Variants in OR51I2 observed in about 807,000 individuals in gnomAD.
The protein encoded by OR51I2 is olfactory receptor 51I2.
OR51I2 carries 6 observed loss-of-function variants against 9.3 expected under a neutral mutation model. The ratio of observed to expected loss-of-function variants is 0.64; its 90% CI spans 0.35 to 1.27. OR51I2 has a LOEUF of 1.27. Ranked by LOEUF, OR51I2 falls within the 50% of genes most tolerant of loss-of-function variation. The pLI is 0.03. For synonymous variants in OR51I2, 179 were observed against 143.1 expected, an observed-to-expected ratio of 1.25 and a Z score of -1.79; for missense variants, 489 against 396.4, an observed-to-expected ratio of 1.23 and a Z score of -1.98.
At position 5,455,568 on chromosome 11, in the gene OR51I2, A is replaced by AGAGAGAGAGAGAAAGAGAAAGATAGAG. The variant is rs531763892; in HGVS notation, c.*1151_*1152insGAAAGAGAAAGATAGAGGAGAGAGAGA. On this transcript the variant is annotated 3_prime_UTR_variant, in exon 2 of 2. Coordinates refer to ENST00000641930, the MANE Select transcript of OR51I2 (RefSeq NM_001004754.3). Reference sequence around the variant, plus strand: ...GATTGGGGGAGAAAGAAGGGGGGAGAGAGAGAGAGAAAGAGAAAGAGAGAA... The same window carrying AGAGAGAGAGAGAAAGAGAAAGATAGAG: ...GATTGGGGGAGAAAGAAGGGGGGAGAGAGAGAGAGAGAAAGAGAAAGATAGAGGAGAGAGAGAAAGAGAAAGAGAGAA... The AGAGAGAGAGAGAAAGAGAAAGATAGAG allele has an allele frequency of 7.4e-6, 1 of 135,318 alleles. No homozygotes were observed. Among genetic ancestry groups the AGAGAGAGAGAGAAAGAGAAAGATAGAG allele is most frequent in the East Asian group, 2.1e-4 (1 of 4,740 alleles). The allele number at this position is 135,318 out of a possible 1,614,324, so 8.4% of individuals were successfully genotyped here.
At chr11:5,451,743 C>A (rs1401711890) in intron 1 of OR51I2, among the ~76,000 whole-genome samples, 1 of 152,060 alleles carries the variant, frequency 6.6e-6, no homozygotes, top group Non-Finnish European at 1.5e-5. Flanking sequence ...GAGCATGGTC[C>A]GGTCTTGCTT....
rs1440920892 is a variant in OR51I2 at position 5,455,579 on chromosome 11, A to AAGAGAGAGGAGAGAG, written c.*1157_*1158insGAGGAGAGAGAGAGA. The AAGAGAGAGGAGAGAG allele has an allele frequency of 9.9e-4, 97 of 97,686 alleles. No individual in the cohort carries two copies. The highest frequency in any genetic ancestry group is 4.2e-3 in the African/African-American group (93 of 22,132). 6.1% of individuals were successfully genotyped at this position (97,686 alleles called of 1,614,324 possible). On this transcript the variant is annotated 3_prime_UTR_variant, in exon 2 of 2. Transcript: ENST00000641930. ...AAAGAAGGGGGGAGAGAGAGAGAGA[A>AAGAGAGAGGAGAGAG]AGAGAAAGAGAGAAAGAGAAAAAGA...
intron 1 of OR51I2, among the ~76,000 whole-genome samples, chr11:5,450,420 TA>T (rs1368780585): frequency 1.3e-5 from 2 of 152,028 alleles, no homozygotes; most frequent in Non-Finnish European, 2.9e-5. Flanking sequence ...AATTAATGAA[TA>T]AAAATAAGAC....
intron 1 of OR51I2, among the ~76,000 whole-genome samples, chr11:5,452,859 T>C (rs1850878028): frequency 6.6e-6 from 1 of 152,226 alleles, no homozygotes; most frequent in Admixed American, 6.5e-5. Flanking sequence ...CACAAAAATA[T>C]GTTATTTCTG....
At chr11:5,450,218 G>C (rs1850823610) in intron 1 of OR51I2, among the ~76,000 whole-genome samples, 2 of 151,892 alleles carry the variant, frequency 1.3e-5, no homozygotes, top group Non-Finnish European at 2.9e-5. Flanking sequence ...GTGAAACCCT[G>C]TCTCTATTAA....
intron 1 of OR51I2, among the ~76,000 whole-genome samples, chr11:5,450,611 G>A (rs1490254251): frequency 6.6e-6 from 1 of 152,152 alleles, no homozygotes; most frequent in Non-Finnish European, 1.5e-5. Context: ...CAGCCTTGGA[G>A]ACAGGTACTT....
chr11:5,449,986 C>T (rs1850819502), intron 1 of OR51I2, among the ~76,000 whole-genome samples: 1 of 152,118 alleles, frequency 6.6e-6, no homozygotes, highest in South Asian at 2.1e-4. Context: ...TCTTTCTGCC[C>T]CCATAACAGC....
chr11:5,450,311 C>G (rs1809863), intron 1 of OR51I2, among the ~76,000 whole-genome samples: 75,175 of 151,548 alleles, frequency 0.5, 19,403 homozygotes, highest in Non-Finnish European at 0.55. Context: ...ATCACCTGAA[C>G]CTGGGAGACA....
Position 5,453,402 on chromosome 11 carries a change from G to C in OR51I2, c.-87G>C, listed in dbSNP as rs752460723. The stretch of plus-strand genomic sequence containing the variant: ...ATCATCGCTTTGTCTCTTATCTCCT[G>C]ATTTCTTGTCCTCCAGCAAGTGCAA... On this transcript the variant is annotated 5_prime_UTR_variant, in exon 2 of 2. The change abolishes the stop of an existing upstream ORF in the 5' untranslated region. Coordinates refer to ENST00000641930, the MANE Select transcript of OR51I2 (RefSeq NM_001004754.3). 3 of 949,922 alleles carry C rather than the reference G, an allele frequency of 3.2e-6. No homozygotes were observed. The highest frequency in any genetic ancestry group is 4.6e-6 in the Non-Finnish European group (3 of 651,632). The allele number at this position is 949,922 out of a possible 1,614,324, so 58.8% of individuals were successfully genotyped here.
At position 5,453,442 on chromosome 11, in the gene OR51I2, C is replaced by G. The variant is rs374880132; in HGVS notation, c.-47C>G. 1 of 1,368,502 alleles carries G rather than the reference C, an allele frequency of 7.3e-7. No homozygotes were observed. Among genetic ancestry groups the G allele is most frequent in the African/African-American group, 1.5e-5 (1 of 68,806 alleles). The allele number at this position is 1,368,502 out of a possible 1,614,324, so 84.8% of individuals were successfully genotyped here. A position where few individuals can be genotyped will look rare whatever the true frequency, so the allele number is the denominator to read the frequency against. On this transcript the variant is annotated 5_prime_UTR_variant, in exon 2 of 2. Coordinates refer to ENST00000641930, the MANE Select transcript of OR51I2 (RefSeq NM_001004754.3). ...AGCAAGTGCAACTGTTAGAATTCTC[C>G]AAGTCAGAAGATCTGACTCTGAAAA...
At chr11:5,450,801 T>C (rs1850834055) in intron 1 of OR51I2, among the ~76,000 whole-genome samples, 1 of 152,220 alleles carries the variant, frequency 6.6e-6, no homozygotes, top group Admixed American at 6.5e-5. Context: ...CTCCCGCTTA[T>C]GAGTGAGAGC....
At position 5,449,920 on chromosome 11, in the gene OR51I2, G is replaced by A. The variant is rs138181403; in HGVS notation, c.-231+556G>A. Among the ~76,000 whole-genome samples the A allele has an allele frequency of 2.8e-3, 423 of 152,270 alleles. 1 individual carries two copies. The highest frequency in any genetic ancestry group is 9.8e-3 in the African/African-American group (409 of 41,552). On this transcript the variant is annotated intron_variant, in intron 1 of 1. Transcript: ENST00000641930. ...TTCATTCTTTATTATCCATGATACA[G>A]ATTGAAAACTGTGGTCTTTAGACAG...
chr11:5,449,627 G>T (rs1245805403), intron 1 of OR51I2, among the ~76,000 whole-genome samples: 1 of 152,146 alleles, frequency 6.6e-6, no homozygotes, highest in African/African-American at 2.4e-5. Context: ...ATTTCTCTGT[G>T]ACTCCAAGTT....
rs1850958214 is a variant in OR51I2, at chr11:5,456,324, T to C, written c.*1897T>C. 1 of 152,192 alleles carries C rather than the reference T, an allele frequency of 6.6e-6. No homozygotes were observed. Among genetic ancestry groups the C allele is most frequent in the Admixed American group, 6.5e-5 (1 of 15,286 alleles). 9.4% of individuals were successfully genotyped at this position (152,192 alleles called of 1,614,324 possible). A position where few individuals can be genotyped will look rare whatever the true frequency, so the allele number is the denominator to read the frequency against. On this transcript the variant is annotated 3_prime_UTR_variant, in exon 2 of 2. Transcript: ENST00000641930. ...CATTAATTAAAAGAGCTACTGATTTTCAGGTTCTAATGGAAAATGCACATT... is the reference window on the plus strand; with the variant it reads ...CATTAATTAAAAGAGCTACTGATTTCCAGGTTCTAATGGAAAATGCACATT...
Position 5,454,006 on chromosome 11 carries a change from T to G in OR51I2, c.518T>G (p.Val173Gly). Residue 173 changes from valine to glycine, a missense_variant, in exon 2 of 2, where the codon GTT (valine) becomes GGT (glycine). Coordinates refer to ENST00000641930, the MANE Select transcript of OR51I2 (RefSeq NM_001004754.3). ...IKRLPICRSN[V>G]LSHSYCLHPD... ...AGGCTGCCTATCTGCAGATCCAATG[T>G]TCTTTCTCACTCCTACTGCCTGCAC... 2 of 1,614,048 alleles carry G rather than the reference T, an allele frequency of 1.2e-6. No individual in the cohort carries two copies. The highest frequency in any genetic ancestry group is 1.7e-6 in the Non-Finnish European group (2 of 1,180,044).
chr11:5,454,328 C>T lies in OR51I2; in HGVS notation c.840C>T (p.Tyr280=), dbSNP rs779650020. The T allele has an allele frequency of 1.2e-6, 2 of 1,614,114 alleles. No homozygotes were observed. The highest frequency in any genetic ancestry group is 1.7e-5 in the Admixed American group (1 of 60,020). Residue 280 remains tyrosine (Y), a synonymous_variant, in exon 2 of 2, where the codon TAC becomes TAT. Coordinates refer to ENST00000641930, the MANE Select transcript of OR51I2 (RefSeq NM_001004754.3). ...TACATGTCCTCATGTCAAATGTGTA[C>T]CTATTTGTGCCTCCTGTGCTCAACC... ...CYIHVLMSNV[Y]LFVPPVLNPL...
intron 1 of OR51I2, among the ~76,000 whole-genome samples, chr11:5,451,898 G>A (rs1424903585): frequency 2.0e-5 from 3 of 152,126 alleles, no homozygotes; most frequent in African/African-American, 4.8e-5. Context: ...CCACGATGAG[G>A]CAATGAACAC....
At chr11:5,450,111 A>G (rs1455721382) in intron 1 of OR51I2, among the ~76,000 whole-genome samples, 1 of 152,172 alleles carries the variant, frequency 6.6e-6, no homozygotes, top group Non-Finnish European at 1.5e-5. Context: ...GACATACACC[A>G]GGCGTGGTGG....
chr11:5,453,703 C>G lies in OR51I2; in HGVS notation c.215C>G (p.Ala72Gly). The change falls in exon 2 of 2, where the codon GCC becomes GGC. Residue 72 changes from alanine (A) to glycine (G), a missense_variant. Physicochemically the swap from Ala to Gly is moderately conservative, Grantham distance 60. Transcript: ENST00000641930. ...TCCATGTTGTCCTTCAGTGATGTGG[C>G]CATATCCATGGCCACACTGCCCACT... Reference protein sequence around the residue: ...FLSMLSFSDVAISMATLPTVL... With the variant: ...FLSMLSFSDVGISMATLPTVL... The G allele has an allele frequency of 1.2e-6, 2 of 1,613,854 alleles. No homozygotes were observed. Among genetic ancestry groups the G allele is most frequent in the Non-Finnish European group, 1.7e-6 (2 of 1,179,834 alleles).
Sources: allele counts gnomAD v4.1 joint callset (sites outside exome capture counted in the v4.1 genomes callset), GRCh38; gene constraint gnomAD v4.1.1; transcripts MANE v1.5; gene names NCBI Gene and HGNC (gene_info 2026-07-23, HGNC 2026-07-21).